Variants in CASQ2 observed in about 807,000 individuals in gnomAD.
CASQ2 encodes the protein calsequestrin-2.
CASQ2 carries 49 observed loss-of-function variants against 46.5 expected under a neutral mutation model. That is an observed-to-expected ratio of 1.05 (90% CI 0.84 to 1.34). The LOEUF is 1.34. Ranked by LOEUF, CASQ2 falls within the 40% of genes most tolerant of loss-of-function variation. The pLI is 0.00. For missense variants in CASQ2, 486 were observed against 481.3 expected (o/e 1.01, Z -0.09); for synonymous variants, 174 against 168.5 (o/e 1.03, Z -0.25).
At chr1:115,746,248 G>A (rs547151726) in intron 1 of CASQ2, among the ~76,000 whole-genome samples, 2 of 151,968 alleles carry the variant, frequency 1.3e-5, no homozygotes, top group South Asian at 4.2e-4. Context: ...TATGTGGGTT[G>A]TTCCCAGTGA....
Position 115,700,764 on chromosome 1 carries a change from A to C in CASQ2, c.*477T>G. On this transcript the variant is annotated 3_prime_UTR_variant, in exon 11 of 11. Transcript: ENST00000261448. Reference sequence around the variant, plus strand: ...TAAGAAGGATCATCTTGGCTGGAGGAGGGATCCCAACTGATGTTCGAGGTA... The same window carrying C: ...TAAGAAGGATCATCTTGGCTGGAGGCGGGATCCCAACTGATGTTCGAGGTA... The C allele has an allele frequency of 4.8e-6, 2 of 420,186 alleles. No homozygotes were observed. The highest frequency in any genetic ancestry group is 6.1e-4 in the Middle Eastern group (1 of 1,650). 26.0% of individuals were successfully genotyped at this position (420,186 alleles called of 1,614,324 possible).
intron 1 of CASQ2, among the ~76,000 whole-genome samples, chr1:115,764,699 C>A (rs973896755): frequency 1.8e-4 from 28 of 152,182 alleles, no homozygotes; most frequent in African/African-American, 6.5e-4. Flanking sequence ...ATGGATTATA[C>A]AATGACCCTT....
intron 1 of CASQ2, among the ~76,000 whole-genome samples, chr1:115,758,623 C>CTATTCATAAGGGACTGTGGG (rs1557805325): frequency 1.1e-4 from 17 of 152,168 alleles, no homozygotes; most frequent in African/African-American, 4.1e-4. Context: ...GATTAATGTC[C>CTATTCATAAGGGACTGTGGG]TCCGTGGGTG....
At position 115,745,057 on chromosome 1, in the gene CASQ2, A is replaced by G. The variant is rs555824001; in HGVS notation, c.235-145T>C. 4.4e-5 allele frequency: 31 copies of G among 705,696 alleles called. No individual in the cohort carries two copies. The African/African-American group carries it at 4.5e-4, about 10-fold the overall frequency. 43.7% of individuals were successfully genotyped at this position (705,696 alleles called of 1,614,324 possible). On this transcript the variant is annotated intron_variant, in intron 1 of 10. Coordinates refer to ENST00000261448, the MANE Select transcript of CASQ2 (RefSeq NM_001232.4). ...GACCAAGTTGAGCAGCAGCAAAGGA[A>G]ATGTATTCTTGTCCCCTCAGGGGAA...
chr1:115,702,072 A>C (rs893004227), intron 10 of CASQ2, among the ~76,000 whole-genome samples: 1 of 152,046 alleles, frequency 6.6e-6, no homozygotes, highest in Non-Finnish European at 1.5e-5. Flanking sequence ...ACAGGCACCC[A>C]TGACCATGCC....
intron 8 of CASQ2, among the ~76,000 whole-genome samples, chr1:115,712,108 C>CA (rs776577623): frequency 6.6e-6 from 1 of 152,156 alleles, no homozygotes; most frequent in Admixed American, 6.5e-5. Flanking sequence ...ATGGAATTCT[C>CA]AAAAAGCAGC....
intron 8 of CASQ2, among the ~76,000 whole-genome samples, chr1:115,707,380 T>G (rs1487518628): frequency 6.6e-6 from 1 of 152,184 alleles, no homozygotes; most frequent in African/African-American, 2.4e-5. Context: ...AGAGTGGACC[T>G]CGGTGATCTT....
intron 1 of CASQ2, among the ~76,000 whole-genome samples, chr1:115,765,264 G>A (rs1196255032): frequency 1.3e-5 from 2 of 152,096 alleles, no homozygotes; most frequent in Non-Finnish European, 2.9e-5. Flanking sequence ...ACAAAAATTA[G>A]GTGGCAGATG....
intron 8 of CASQ2, among the ~76,000 whole-genome samples, chr1:115,713,812 G>A (rs2101064924): frequency 6.6e-6 from 1 of 152,270 alleles, no homozygotes; most frequent in South Asian, 2.1e-4. Context: ...GTTTGGAGTT[G>A]GTGTGATAGG....
chr1:115,731,438 A>G (rs146487914), intron 5 of CASQ2, among the ~76,000 whole-genome samples: 1 of 152,292 alleles, frequency 6.6e-6, no homozygotes, highest in Non-Finnish European at 1.5e-5. Flanking sequence ...CATCAGAACC[A>G]TATGTCAGTA....
At chr1:115,717,047 G>T (rs1654723572) in intron 8 of CASQ2, among the ~76,000 whole-genome samples, 1 of 152,108 alleles carries the variant, frequency 6.6e-6, no homozygotes, top group Non-Finnish European at 1.5e-5. Context: ...ATAAAAGTGT[G>T]TGGCACCTCC....
intron 8 of CASQ2, among the ~76,000 whole-genome samples, chr1:115,709,192 A>AT (rs11349982): frequency 6.6e-6 from 1 of 152,044 alleles, no homozygotes; most frequent in Non-Finnish European, 1.5e-5. Context: ...TACAAGTTCA[A>AT]TTTTTTTCCA....
At chr1:115,750,467 C>CA (rs1570846792) in intron 1 of CASQ2, among the ~76,000 whole-genome samples, 1 of 152,122 alleles carries the variant, frequency 6.6e-6, no homozygotes, top group Non-Finnish European at 1.5e-5. Flanking sequence ...CTTTTAAGTA[C>CA]AAAAAAGTGT....
Position 115,738,884 on chromosome 1 carries a change from A to AC in CASQ2, c.421-550dup, listed in dbSNP as rs571374183. On this transcript the variant is annotated intron_variant, in intron 3 of 10. Transcript: ENST00000261448. ...TGATCATTATCTCTCCATTCCCACC[A>AC]CCCCCACCCCATCCTGCTTTTGGCA... Among the ~76,000 whole-genome samples, 45 of 144,004 alleles carry AC rather than the reference A, an allele frequency of 3.1e-4. No homozygotes were observed. In the East Asian group the frequency reaches 7.5e-3, roughly 24 times the overall value. The allele number at this position is 144,004 out of a possible 152,430, so 94.5% of individuals were successfully genotyped here.
chr1:115,705,172 C>G lies in CASQ2; in HGVS notation c.939+20G>C, dbSNP rs1431164488. 8 of 1,487,946 alleles carry G rather than the reference C, an allele frequency of 5.4e-6. No individual in the cohort carries two copies. The highest frequency in any genetic ancestry group is 2.3e-5 in the East Asian group (1 of 44,304). The allele number at this position is 1,487,946 out of a possible 1,614,324, so 92.2% of individuals were successfully genotyped here. On this transcript the variant is annotated intron_variant, in intron 9 of 10. Transcript: ENST00000261448. ...GTTGTGACAGCAACTGAGGGTGGGG[C>G]GCTGGCTGGAGCCACTCACCAGAGG...
At chr1:115,705,810 T>TTCCC (rs760919347) in intron 8 of CASQ2, among the ~76,000 whole-genome samples, 8 of 151,994 alleles carry the variant, frequency 5.3e-5, no homozygotes, top group Non-Finnish European at 1.0e-4. Flanking sequence ...TAAATGGGGC[T>TTCCC]TCCCTCCCTC....
At chr1:115,707,812 C>T (rs1654408458) in intron 8 of CASQ2, among the ~76,000 whole-genome samples, 1 of 152,178 alleles carries the variant, frequency 6.6e-6, no homozygotes. Flanking sequence ...GTAAAAGGGA[C>T]ATGACAAAAC....
At chr1:115,719,075 T>G (rs944371655) in intron 7 of CASQ2, among the ~76,000 whole-genome samples, 6 of 152,232 alleles carry the variant, frequency 3.9e-5, no homozygotes, top group African/African-American at 1.4e-4. Flanking sequence ...ATTTTAATGC[T>G]GGCGCAATCC....
intron 5 of CASQ2, among the ~76,000 whole-genome samples, chr1:115,731,243 A>C (rs1249481036): frequency 6.6e-6 from 1 of 152,200 alleles, no homozygotes; most frequent in Admixed American, 6.5e-5. Flanking sequence ...GCATGAAGCT[A>C]TACAGTTGCA....
Sources: allele counts gnomAD v4.1 joint callset (sites outside exome capture counted in the v4.1 genomes callset), GRCh38; gene constraint gnomAD v4.1.1; transcripts MANE v1.5; gene names NCBI Gene and HGNC (gene_info 2026-07-23, HGNC 2026-07-21).